The following AMBRA1 variants were observed in gnomAD, a reference collection of about 807,000 sequenced individuals.
AMBRA1 encodes the protein autophagy and beclin 1 regulator 1.
A neutral mutation model predicts 125.4 loss-of-function variants in AMBRA1; 47 were observed. The ratio of observed to expected loss-of-function variants is 0.37; its 90% CI spans 0.30 to 0.48. The LOEUF is 0.48. AMBRA1 is among the 20% of genes least tolerant of loss of function. The pLI, the probability that AMBRA1 is intolerant of heterozygous loss-of-function variation, is 0.99. For missense variants in AMBRA1, 1,331 were observed against 1,693.4 expected, an observed-to-expected ratio of 0.79 and a Z score of 3.76; for synonymous variants, 626 against 655.5, an observed-to-expected ratio of 0.95 and a Z score of 0.69.
At position 46,543,035 on chromosome 11, in the gene AMBRA1, T is replaced by C. The variant is rs1039374527; in HGVS notation, c.982A>G (p.Ser328Gly). 5.6e-6 allele frequency: 9 copies of C among 1,599,094 alleles called. No homozygotes were observed. The African/African-American group carries it at 6.7e-5, about 12-fold the overall frequency. Residue 328 changes from serine to glycine, a missense_variant, in exon 7 of 18, where the codon AGT becomes GGT. Coordinates refer to ENST00000683756, the MANE Select transcript of AMBRA1 (RefSeq NM_001387011.1). The part of the protein sequence containing the change: ...RVPSLLPHQD[S>G]VPPASARATT... ...GCTCTGGCAGAAGCAGGGGGGACAC[T>C]GTCCTGGTGTGGCAAGAGGGAAGGA...
In AMBRA1 at chr11:46,541,743, C is replaced by T. The variant is rs1952754139; in HGVS notation, c.2072+202G>A. On this transcript the variant is annotated intron_variant, in intron 7 of 17. Transcript: ENST00000683756. ...TTGAGCTTAGCCGAAATAGAGCTAG[C>T]GCAGCCAACTGACTCATACTGCTAG... Among the ~76,000 whole-genome samples, 4 of 152,346 alleles carry T rather than the reference C, an allele frequency of 2.6e-5. No individual in the cohort carries two copies. In the South Asian group the frequency reaches 8.3e-4, roughly 32 times the overall value.
intron 3 of AMBRA1, among the ~76,000 whole-genome samples, chr11:46,547,596 C>CGGA (rs2042864561): frequency 6.6e-6 from 1 of 152,142 alleles, no homozygotes; most frequent in South Asian, 2.1e-4. Flanking sequence ...TATTGAGAAA[C>CGGA]TTTCCAAGTT....
intron 14 of AMBRA1, among the ~76,000 whole-genome samples, chr11:46,423,864 A>T (rs1161435226): frequency 1.4e-5 from 2 of 141,512 alleles, no homozygotes; most frequent in African/African-American, 2.7e-5. Flanking sequence ...CCTGGGTTCA[A>T]GCGATTCTCC....
chr11:46,459,741 C>CACAT (rs1312492045), intron 11 of AMBRA1, among the ~76,000 whole-genome samples: 1 of 114,868 alleles, frequency 8.7e-6, no homozygotes, highest in African/African-American at 4.2e-5. Context: ...AATACACATA[C>CACAT]ACACACACAC....
At chr11:46,448,620 T>C (rs1406656223) in intron 11 of AMBRA1, among the ~76,000 whole-genome samples, 2 of 151,776 alleles carry the variant, frequency 1.3e-5, no homozygotes, top group Non-Finnish European at 2.9e-5. Context: ...CCAATGAAAC[T>C]GAAAACAGGA....
chr11:46,587,140 G>A (rs149699576), intron 1 of AMBRA1, among the ~76,000 whole-genome samples: 3,396 of 152,234 alleles, frequency 0.022, 124 homozygotes, highest in African/African-American at 0.077. Context: ...AACATGTTGG[G>A]AGGCCAAGGT....
In AMBRA1 at chr11:46,593,933, G is replaced by T; in HGVS notation, c.-226C>A. ...AAGGAAGGGGTCCGTTCTACCGACC[G>T]GCAGGAGAAGGCGGCTTGAGCGCGG... On this transcript the variant is annotated 5_prime_UTR_variant, in exon 1 of 18. Coordinates refer to ENST00000683756, the MANE Select transcript of AMBRA1 (RefSeq NM_001387011.1). 2.5e-6 allele frequency: 1 copy of T among 398,582 alleles called. No homozygotes were observed. The highest frequency in any genetic ancestry group is 1.3e-4 in the South Asian group (1 of 7,806). 24.7% of individuals were successfully genotyped at this position (398,582 alleles called of 1,614,324 possible).
chr11:46,569,440 A>AAAAAAAATATATATATAT (rs1477022124), intron 1 of AMBRA1, among the ~76,000 whole-genome samples: 1 of 131,386 alleles, frequency 7.6e-6, no homozygotes, highest in African/African-American at 2.9e-5. Flanking sequence ...AAAAAAAAAA[A>AAAAAAAATATATATATAT]ATATATATAT....
At chr11:46,535,632 G>A (rs937298269) in intron 7 of AMBRA1, among the ~76,000 whole-genome samples, 3 of 151,950 alleles carry the variant, frequency 2.0e-5, no homozygotes, top group African/African-American at 7.3e-5. Flanking sequence ...AATCTTTAAG[G>A]AGAAAAAAAA....
chr11:46,551,051 C>A (rs1442586802), intron 1 of AMBRA1, among the ~76,000 whole-genome samples: 1 of 146,232 alleles, frequency 6.8e-6, no homozygotes, highest in African/African-American at 2.5e-5. Flanking sequence ...GAGCCAAGAT[C>A]GCGCCACTGC....
At position 46,477,229 on chromosome 11, in the gene AMBRA1, A is replaced by G. The variant is rs1046471241; in HGVS notation, c.2521+16379T>C. On this transcript the variant is annotated intron_variant, in intron 11 of 17. Coordinates refer to ENST00000683756, the MANE Select transcript of AMBRA1 (RefSeq NM_001387011.1). ...GGCAGAATAGAAGGACACTAGCTCA[A>G]TCTCATCACCACAACCTCTAACTCT... Among the ~76,000 whole-genome samples, 4 of 152,152 alleles carry G rather than the reference A, an allele frequency of 2.6e-5. No individual in the cohort carries two copies. The South Asian group carries it at 8.3e-4, about 32-fold the overall frequency.
intron 15 of AMBRA1, among the ~76,000 whole-genome samples, chr11:46,415,837 G>A (rs1400235676): frequency 6.6e-6 from 1 of 152,222 alleles, no homozygotes; most frequent in African/African-American, 2.4e-5. Flanking sequence ...AGATGGCTTA[G>A]GCCAGCTGAG....
At chr11:46,548,169 T>G in intron 2 of AMBRA1, 77 bp downstream of exon 2, 7 of 1,584,748 alleles carry the variant, frequency 4.4e-6, no homozygotes, top group Non-Finnish European at 6.0e-6. Flanking sequence ...CCCAACTCTC[T>G]GCTGTTAACC....
intron 1 of AMBRA1, among the ~76,000 whole-genome samples, chr11:46,549,943 G>A (rs370149848): frequency 1.1e-4 from 16 of 151,906 alleles, no homozygotes; most frequent in Non-Finnish European, 1.8e-4. Context: ...CTCAGCCTCC[G>A]GAGTAGCTGG....
intron 1 of AMBRA1, among the ~76,000 whole-genome samples, chr11:46,557,712 G>C (rs535312809): frequency 2.0e-5 from 3 of 152,336 alleles, no homozygotes; most frequent in African/African-American, 7.2e-5. Context: ...GAAGGCTGAG[G>C]TGGGAGGATA....
chr11:46,517,629 T>C (rs1299446581), intron 7 of AMBRA1, among the ~76,000 whole-genome samples: 1 of 148,674 alleles, frequency 6.7e-6, no homozygotes, highest in Non-Finnish European at 1.5e-5. Flanking sequence ...GGTCAGGAGA[T>C]CGAGACCATC....
At chr11:46,444,352 G>A (rs964855897) in intron 11 of AMBRA1, among the ~76,000 whole-genome samples, 11 of 152,110 alleles carry the variant, frequency 7.2e-5, no homozygotes, top group African/African-American at 2.7e-4. Context: ...TCTTCTGTAT[G>A]ACATTTTTTT....
At chr11:46,581,078 G>A (rs1388428754) in intron 1 of AMBRA1, among the ~76,000 whole-genome samples, 1 of 152,010 alleles carries the variant, frequency 6.6e-6, no homozygotes, top group Non-Finnish European at 1.5e-5. Context: ...ACAAGCATGA[G>A]CCACCGCGCC....
intron 7 of AMBRA1, among the ~76,000 whole-genome samples, chr11:46,519,411 T>A (rs1366948005): frequency 6.6e-6 from 1 of 152,182 alleles, no homozygotes; most frequent in African/African-American, 2.4e-5. Flanking sequence ...CGTGGACAAC[T>A]CCTCCTTACT....
Sources: gnomAD v4.1 joint callset for allele counts (sites outside exome capture counted in the v4.1 genomes callset) on GRCh38, gnomAD v4.1.1 for gene constraint, MANE v1.5 for transcripts, NCBI Gene and HGNC (gene_info 2026-07-23, HGNC 2026-07-21) for gene names.